The following SLC35F2 variants were observed in gnomAD, a reference collection of about 807,000 sequenced individuals.
SLC35F2 encodes the protein solute carrier family 35 member F2.
SLC35F2 carries 25 observed loss-of-function variants against 38.1 expected under a neutral mutation model. That is an observed-to-expected ratio of 0.66 (90% CI 0.48 to 0.92). The LOEUF is 0.92. Ranked by LOEUF, SLC35F2 falls within the 40% of genes least tolerant of loss-of-function variation. The probability of loss-of-function intolerance (pLI) is 0.00; values close to 1 mark genes in which losing one functional copy is unlikely to be tolerated. For synonymous variants in SLC35F2, 173 were observed against 181.7 expected (o/e 0.95, Z 0.38); for missense variants, 409 against 452.9 (o/e 0.90, Z 0.88).
Position 107,850,237 on chromosome 11 carries a change from T to C in SLC35F2, c.110+8421A>G, listed in dbSNP as rs540094956. 3.3e-5 allele frequency among the ~76,000 whole-genome samples: 5 copies of C among 152,188 alleles called. No homozygotes were observed. The East Asian group carries it at 5.8e-4, about 18-fold the overall frequency. ...CTCGTTCTTCAGCACATAGGGGACA[T>C]GTATGAGAGTGGTCATCACAGTGAT... On this transcript the variant is annotated intron_variant, in intron 1 of 7. Coordinates refer to ENST00000525815, the MANE Select transcript of SLC35F2 (RefSeq NM_017515.5).
intron 3 of SLC35F2, among the ~76,000 whole-genome samples, chr11:107,807,290 C>G (rs12785465): frequency 1.7e-5 from 1 of 60,394 alleles, no homozygotes; most frequent in East Asian, 4.3e-4. Context: ...AAAAAAACAA[C>G]AACAAAAAAA....
Position 107,810,209 on chromosome 11 carries a change from C to T in SLC35F2, c.414+1458G>A, listed in dbSNP as rs184338676. 29 of 985,342 alleles carry T rather than the reference C, an allele frequency of 2.9e-5. No homozygotes were observed. The Admixed American group carries it at 5.5e-4, about 19-fold the overall frequency. The allele number at this position is 985,342 out of a possible 1,614,324, so 61.0% of individuals were successfully genotyped here. ...TGCCTTTTTTATAATATATTCTTTG[C>T]TAGGACCGTAAGTGCATGACTTTTG... On this transcript the variant is annotated intron_variant, in intron 3 of 7. Transcript: ENST00000525815.
Position 107,858,732 on chromosome 11 carries a change from T to G in SLC35F2, c.36A>C (p.Pro12=), listed in dbSNP as rs1032847619. ...EADSPAGPGA[P]EPLAEGAAAE... ...CCGCCGCTCCCTCCGCGAGGGGCTC[T>G]GGGGCGCCGGGGCCCGCTGGCGAGT... Residue 12 remains proline (P), a synonymous_variant, in exon 1 of 8, where the codon CCA becomes CCC. Transcript: ENST00000525815. 1 of 1,289,168 alleles carries G rather than the reference T, an allele frequency of 7.8e-7. No homozygotes were observed. The highest frequency in any genetic ancestry group is 1.5e-5 in the African/African-American group (1 of 65,980). 79.9% of individuals were successfully genotyped at this position (1,289,168 alleles called of 1,614,324 possible).
intron 3 of SLC35F2, chr11:107,809,625 C>A (rs1479359331): frequency 1.7e-5 from 16 of 936,348 alleles, no homozygotes; most frequent in Non-Finnish European, 2.0e-5. Context: ...GAGCAAGACT[C>A]CTTCTCAGAA....
At chr11:107,817,295 A>G (rs1451773400) in intron 1 of SLC35F2, among the ~76,000 whole-genome samples, 1 of 151,716 alleles carries the variant, frequency 6.6e-6, no homozygotes, top group Admixed American at 6.6e-5. Flanking sequence ...AAAGAAAGAA[A>G]AGAAAAAAAA....
chr11:107,825,291 A>G (rs1014130528), intron 1 of SLC35F2, among the ~76,000 whole-genome samples: 1 of 151,996 alleles, frequency 6.6e-6, no homozygotes, highest in African/African-American at 2.4e-5. Context: ...TGAATCATCT[A>G]AGGCTCTTGT....
intron 1 of SLC35F2, chr11:107,858,408 C>T: frequency 2.8e-6 from 1 of 353,184 alleles, no homozygotes; most frequent in South Asian, 1.5e-4. Context: ...GGGTTTCCCC[C>T]CAAATCCTCC....
rs1452998263 is a variant in SLC35F2 at position 107,811,759 on chromosome 11, ATTTTC to A, written c.317_321del (p.Arg106MetfsTer15). The A allele has an allele frequency of 6.2e-7, 1 of 1,613,752 alleles. No homozygotes were observed. The highest frequency in any genetic ancestry group is 8.5e-7 in the Non-Finnish European group (1 of 1,179,840). ...AGTCCCAGCAGGATGTACTTCCACC[ATTTTC>A]TTTTCAAGATTACTAAAAGGTTATC... On this transcript the variant is annotated frameshift_variant, in exon 3 of 8. Transcript: ENST00000525815. LOFTEE classifies it high-confidence loss of function.
At chr11:107,803,582 T>C in intron 6 of SLC35F2, 1 of 820,418 alleles carries the variant, frequency 1.2e-6, no homozygotes, top group South Asian at 5.5e-5. Context: ...TATAATTGGA[T>C]TCAGAATAAA....
At chr11:107,848,967 A>G (rs548471547) in intron 1 of SLC35F2, among the ~76,000 whole-genome samples, 170 of 152,310 alleles carry the variant, frequency 1.1e-3, no homozygotes, top group Non-Finnish European at 2.1e-3. Flanking sequence ...AATTTTTTTG[A>G]GTAAACTAGT....
Position 107,858,750 on chromosome 11 carries a change from T to C in SLC35F2, c.18A>G (p.Pro6=). MEADS[P]AGPGAPEPLA... ...GGGGCTCTGGGGCGCCGGGGCCCGC[T>C]GGCGAGTCTGCCTCCATCGGCGCCC... The change falls in exon 1 of 8, where the codon CCA becomes CCG. Residue 6 remains proline (P), a synonymous_variant. Coordinates refer to ENST00000525815, the MANE Select transcript of SLC35F2 (RefSeq NM_017515.5). 1.6e-6 allele frequency: 2 copies of C among 1,272,928 alleles called. No homozygotes were observed. The highest frequency in any genetic ancestry group is 7.5e-5 in the South Asian group (2 of 26,750). The allele number at this position is 1,272,928 out of a possible 1,614,324, so 78.9% of individuals were successfully genotyped here. A position where few individuals can be genotyped will look rare whatever the true frequency, so the allele number is the denominator to read the frequency against.
intron 1 of SLC35F2, among the ~76,000 whole-genome samples, chr11:107,822,377 AAT>A (rs1859685933): frequency 6.6e-6 from 1 of 152,228 alleles, no homozygotes; most frequent in South Asian, 2.1e-4. Flanking sequence ...TTCCAATGAA[AAT>A]ATATTTTTAT....
At chr11:107,841,397 T>C (rs185600966) in intron 1 of SLC35F2, among the ~76,000 whole-genome samples, 103 of 152,088 alleles carry the variant, frequency 6.8e-4, no homozygotes, top group African/African-American at 2.5e-3. Context: ...ACCCTGTCTC[T>C]ACTAAAAATA....
chr11:107,827,985 G>A (rs541014280), intron 1 of SLC35F2, among the ~76,000 whole-genome samples: 2 of 152,292 alleles, frequency 1.3e-5, no homozygotes, highest in African/African-American at 4.8e-5. Context: ...GCTGATTTCA[G>A]ACCTGGGGCA....
rs373011503 is a variant in SLC35F2, at chr11:107,824,378, A to T, written c.111-8413T>A. On this transcript the variant is annotated intron_variant, in intron 1 of 7. Transcript: ENST00000525815. ...GTAGACAAGAGGCCCTCAAAAGTGA[A>T]CTCAATGAATGTTACAGTGGAAAAA... Among the ~76,000 whole-genome samples, 59 of 152,334 alleles carry T rather than the reference A, an allele frequency of 3.9e-4. No individual in the cohort carries two copies. The South Asian group carries it at 0.012, about 30-fold the overall frequency.
At chr11:107,819,820 C>T (rs1028159521) in intron 1 of SLC35F2, among the ~76,000 whole-genome samples, 5 of 152,134 alleles carry the variant, frequency 3.3e-5, no homozygotes, top group Admixed American at 2.6e-4. Flanking sequence ...ATAACATGAT[C>T]CTGACAACAG....
chr11:107,818,072 A>AGAAAGAAAGAAAG (rs1188353466), intron 1 of SLC35F2, among the ~76,000 whole-genome samples: 26 of 68,472 alleles, frequency 3.8e-4, no homozygotes, highest in African/African-American at 1.6e-3. Context: ...AAAAAAAAAA[A>AGAAAGAAAGAAAG]AAAGAAAGAA....
intron 1 of SLC35F2, among the ~76,000 whole-genome samples, chr11:107,853,054 T>A (rs930134277): frequency 3.3e-5 from 5 of 151,982 alleles, no homozygotes; most frequent in African/African-American, 9.7e-5. Flanking sequence ...CCTATTATCC[T>A]TCCCTCCTCC....
chr11:107,808,474 T>C (rs530201169), intron 3 of SLC35F2, among the ~76,000 whole-genome samples: 1 of 152,340 alleles, frequency 6.6e-6, no homozygotes, highest in South Asian at 2.1e-4. Context: ...GGAAGAAATA[T>C]ATTCCTTATA....
Sources: allele counts gnomAD v4.1 joint callset (sites outside exome capture counted in the v4.1 genomes callset), GRCh38; gene constraint gnomAD v4.1.1; transcripts MANE v1.5; gene names NCBI Gene and HGNC (gene_info 2026-07-23, HGNC 2026-07-21).